Variants in PNPLA3 observed in about 807,000 individuals in gnomAD.
PNPLA3 encodes the protein 1-acylglycerol-3-phosphate O-acyltransferase PNPLA3.
A neutral mutation model predicts 43.1 loss-of-function variants in PNPLA3; 42 were observed. The observed-to-expected ratio is 0.97, with a 90% confidence interval of 0.76 to 1.26. The LOEUF (loss-of-function observed/expected upper bound fraction) is 1.26. PNPLA3 is among the 50% of genes most tolerant of loss of function. The probability of loss-of-function intolerance (pLI) is 0.00; values close to 1 mark genes in which losing one functional copy is unlikely to be tolerated. For synonymous variants in PNPLA3, 272 were observed against 253.6 expected (o/e 1.07, Z -0.69); for missense variants, 647 against 621.4 (o/e 1.04, Z -0.44).
chr22:43,924,272 T>A (rs1208996696), intron 1 of PNPLA3, 174 bp downstream of exon 1: 5 of 801,730 alleles, frequency 6.2e-6, no homozygotes, highest in Non-Finnish European at 9.0e-6. Context: ...GGGGGCGCTG[T>A]TCCTGGGCCC....
chr22:43,934,278 C>T (rs995279441), intron 4 of PNPLA3, among the ~76,000 whole-genome samples: 7 of 148,080 alleles, frequency 4.7e-5, no homozygotes, highest in Non-Finnish European at 1.0e-4. Flanking sequence ...GATCACGCCA[C>T]TGCACTCCAG....
Position 43,944,694 on chromosome 22 carries a change from G to T in PNPLA3, c.1116G>T (p.Leu372=). The part of the protein sequence containing the change: ...VESAIAIVQR[L]VTWLPDMPDD... ...GTACTTGGTCTCATCTCTGCAGACT[G>T]GTGACATGGCTTCCAGATATGCCCG... The change falls in exon 8 of 9, where the codon CTG becomes CTT. Residue 372 remains leucine, a synonymous_variant. Coordinates refer to ENST00000216180, the MANE Select transcript of PNPLA3 (RefSeq NM_025225.3). The T allele has an allele frequency of 6.2e-7, 1 of 1,614,096 alleles. No homozygotes were observed. Among genetic ancestry groups the T allele is most frequent in the East Asian group, 2.2e-5 (1 of 44,894 alleles).
At position 43,940,029 on chromosome 22, in the gene PNPLA3, T is replaced by C. The variant is rs2050021232; in HGVS notation, c.1016T>C (p.Met339Thr). Residue 339 changes from methionine to threonine, a missense_variant, in exon 7 of 9, where the codon ATG (methionine) becomes ACG (threonine). Coordinates refer to ENST00000216180, the MANE Select transcript of PNPLA3 (RefSeq NM_025225.3). ...SEEMKDKGGYMSKICNLLPIR... is the reference protein window; with the variant it reads ...SEEMKDKGGYTSKICNLLPIR... ...GAAATGAAAGACAAAGGTGGATACA[T>C]GAGCAAGATTTGCAACTTGCTACCC... 1 of 1,614,128 alleles carries C rather than the reference T, an allele frequency of 6.2e-7. No individual in the cohort carries two copies. Among genetic ancestry groups the C allele is most frequent in the Non-Finnish European group, 8.5e-7 (1 of 1,179,954 alleles).
intron 1 of PNPLA3, among the ~76,000 whole-genome samples, chr22:43,925,961 G>A (rs1603415700): frequency 6.6e-6 from 1 of 152,188 alleles, no homozygotes; most frequent in Admixed American, 6.5e-5. Context: ...GACACAGGGA[G>A]GCTCAGGAAC....
rs187206372 is a variant in PNPLA3, at chr22:43,940,141, G to A, written c.1112+16G>A. On this transcript the variant is annotated intron_variant, in intron 7 of 8. Transcript: ENST00000216180. Reference sequence around the variant, plus strand: ...TTGTCCAGAGGTGAGCATTTTAGGTGGCTCCGTGTCTTCCTCACAGGGTTG... The same window carrying A: ...TTGTCCAGAGGTGAGCATTTTAGGTAGCTCCGTGTCTTCCTCACAGGGTTG... 15 of 1,612,098 alleles carry A rather than the reference G, an allele frequency of 9.3e-6. No individual in the cohort carries two copies. In the Admixed American group the frequency reaches 1.8e-4, roughly 20 times the overall value.
chr22:43,929,876 C>T (rs1363297655), intron 3 of PNPLA3, among the ~76,000 whole-genome samples: 5 of 152,100 alleles, frequency 3.3e-5, no homozygotes, highest in African/African-American at 9.7e-5. Flanking sequence ...AGATTACAGG[C>T]GTGAGCCATG....
rs1378935152 is a variant in PNPLA3 at position 43,923,845 on chromosome 22, A to G, written c.-67A>G. The G allele has an allele frequency of 2.3e-5, 32 of 1,387,238 alleles. No individual in the cohort carries two copies. Among genetic ancestry groups the G allele is most frequent in the South Asian group, 3.1e-5 (2 of 64,944 alleles). The allele number at this position is 1,387,238 out of a possible 1,614,324, so 85.9% of individuals were successfully genotyped here. A position where few individuals can be genotyped will look rare whatever the true frequency, so the allele number is the denominator to read the frequency against. On this transcript the variant is annotated 5_prime_UTR_variant, in exon 1 of 9. Coordinates refer to ENST00000216180, the MANE Select transcript of PNPLA3 (RefSeq NM_025225.3). Reference sequence around the variant, plus strand: ...GCGCCGGGCGGAGCTGCTGCGGATCAGGACCCGAGCCGATTCCCGATCCCG... The same window carrying G: ...GCGCCGGGCGGAGCTGCTGCGGATCGGGACCCGAGCCGATTCCCGATCCCG...
At chr22:43,935,665 G>T (rs770498945) in intron 5 of PNPLA3, among the ~76,000 whole-genome samples, 3 of 152,110 alleles carry the variant, frequency 2.0e-5, no homozygotes, top group African/African-American at 7.2e-5. Context: ...CAACTGGAGG[G>T]GTGGGGATGG....
chr22:43,924,701 G>A (rs1164332043), intron 1 of PNPLA3, among the ~76,000 whole-genome samples: 2 of 151,138 alleles, frequency 1.3e-5, no homozygotes, highest in Admixed American at 6.6e-5. Flanking sequence ...AGGCTGGAGT[G>A]CAGTGGCGTG....
rs190477302 is a variant in PNPLA3, at chr22:43,932,990, C to G, written c.599C>G (p.Thr200Arg). 1.9e-6 allele frequency: 3 copies of G among 1,614,154 alleles called. No homozygotes were observed. Among genetic ancestry groups the G allele is most frequent in the Non-Finnish European group, 2.5e-6 (3 of 1,180,010 alleles). Residue 200 changes from threonine (T) to arginine (R), a missense_variant, in exon 4 of 9, where the codon ACG (threonine) becomes AGG (arginine). Physicochemically the swap from Thr to Arg is moderately conservative, Grantham distance 71. Transcript: ENST00000216180. ...GACATCTGCCCTAAAGTCAAGTCCA[C>G]GAACTTTCTTCATGTGGACATCACC... Reference protein sequence around the residue: ...EYDICPKVKSTNFLHVDITKL... With the variant: ...EYDICPKVKSRNFLHVDITKL...
In PNPLA3 at chr22:43,940,118, G is replaced by A; in HGVS notation, c.1105G>A (p.Val369Ile). Residue 369 changes from valine to isoleucine, a missense_variant, in exon 7 of 9, where the codon GTC becomes ATC. Transcript: ENST00000216180. ...TLPVESAIAIVQRLVTWLPDM... is the reference protein window; with the variant it reads ...TLPVESAIAIIQRLVTWLPDM... Reference sequence around the variant, plus strand: ...GCCTGTGGAATCTGCCATTGCGATTGTCCAGAGGTGAGCATTTTAGGTGGC... The same window carrying A: ...GCCTGTGGAATCTGCCATTGCGATTATCCAGAGGTGAGCATTTTAGGTGGC... 1 of 1,614,074 alleles carries A rather than the reference G, an allele frequency of 6.2e-7. No individual in the cohort carries two copies. Among genetic ancestry groups the A allele is most frequent in the South Asian group, 1.1e-5 (1 of 91,074 alleles).
At chr22:43,927,467 G>T (rs904254149) in intron 2 of PNPLA3, among the ~76,000 whole-genome samples, 1 of 149,864 alleles carries the variant, frequency 6.7e-6, no homozygotes, top group Non-Finnish European at 1.5e-5. Flanking sequence ...ACTCCAGCCC[G>T]GGTGACAGTG....
chr22:43,942,742 G>T (rs1425389977), intron 7 of PNPLA3, among the ~76,000 whole-genome samples: 1 of 129,316 alleles, frequency 7.7e-6, no homozygotes, highest in African/African-American at 3.0e-5. Context: ...TTACTCTGGT[G>T]CCCAGGCTGG....
chr22:43,941,076 C>A (rs570271581), intron 7 of PNPLA3, among the ~76,000 whole-genome samples: 10 of 128,250 alleles, frequency 7.8e-5, no homozygotes, highest in African/African-American at 3.0e-4. Flanking sequence ...ACCTAGGAGG[C>A]GGAGGTTGGT....
At chr22:43,939,529 C>G (rs954239070) in intron 6 of PNPLA3, 14 of 725,920 alleles carry the variant, frequency 1.9e-5, no homozygotes, top group Admixed American at 5.3e-5. Context: ...AAGGGAGCAG[C>G]CTGGGCCGGG....
chr22:43,938,039 C>T (rs2050006976), intron 6 of PNPLA3, among the ~76,000 whole-genome samples: 1 of 152,120 alleles, frequency 6.6e-6, no homozygotes, highest in South Asian at 2.1e-4. Flanking sequence ...TGTGTGAGGA[C>T]TCAGAAGGTG....
At chr22:43,933,612 G>A (rs912673101) in intron 4 of PNPLA3, among the ~76,000 whole-genome samples, 7 of 151,924 alleles carry the variant, frequency 4.6e-5, no homozygotes, top group South Asian at 2.1e-4. Flanking sequence ...GGCCTCAAGC[G>A]ATCCTCCCAC....
At chr22:43,945,672 G>A (rs995497522) in intron 8 of PNPLA3, among the ~76,000 whole-genome samples, 3 of 152,102 alleles carry the variant, frequency 2.0e-5, no homozygotes, top group African/African-American at 2.4e-5. Context: ...TGGATCCTGG[G>A]CCCTGGCTGG....
intron 3 of PNPLA3, among the ~76,000 whole-genome samples, chr22:43,929,369 G>T (rs561413215): frequency 6.6e-6 from 1 of 151,542 alleles, no homozygotes; most frequent in South Asian, 2.1e-4. Context: ...CCAGCTGCTC[G>T]GGAGGCTGAG....
Sources: allele counts gnomAD v4.1 joint callset (sites outside exome capture counted in the v4.1 genomes callset), GRCh38; gene constraint gnomAD v4.1.1; transcripts MANE v1.5; gene names NCBI Gene and HGNC (gene_info 2026-07-23, HGNC 2026-07-21).